MROH1: variants seen among roughly 807,000 people sequenced by gnomAD.
MROH1 encodes maestro heat like repeat family member 1, also known as maestro heat-like repeat-containing protein family member 1.
MROH1 carries 117 observed loss-of-function variants against 116.5 expected under a neutral mutation model. The ratio of observed to expected loss-of-function variants is 1.00; its 90% CI spans 0.86 to 1.17. The LOEUF is 1.17. Among genes scored for constraint, MROH1 ranks in the 50% most tolerant of loss-of-function variants. MROH1 has a pLI of 0.00. For missense variants in MROH1, 1,873 were observed against 1,338.5 expected, an observed-to-expected ratio of 1.40 and a Z score of -6.23; for synonymous variants, 921 against 583.9, an observed-to-expected ratio of 1.58 and a Z score of -8.32.
At position 144,182,662 on chromosome 8, in the gene MROH1, T is replaced by C. The variant is rs1210983316; in HGVS notation, c.562+2139T>C. Among the ~76,000 whole-genome samples the C allele has an allele frequency of 6.6e-6, 1 of 151,120 alleles. No homozygotes were observed. The highest frequency in any genetic ancestry group is 1.5e-5 in the Non-Finnish European group (1 of 67,806). Reference sequence around the variant, plus strand: ...AGAAAATAGAGGAAAAAGGCAAAAATATGGAAAGTAGGAGAGAAAGAGAAG... The same window carrying C: ...AGAAAATAGAGGAAAAAGGCAAAAACATGGAAAGTAGGAGAGAAAGAGAAG... On this transcript the variant is annotated intron_variant, in intron 7 of 43. Transcript: ENST00000326134. This position sits in a 1 kb window ranked among gnomAD's most constrained non-coding sequence, Gnocchi z 4.1.
rs899154509 is a variant in MROH1 at position 144,244,057 on chromosome 8, C to T, written c.2555+115C>T. The T allele has an allele frequency of 1.8e-3, 1,284 of 711,986 alleles. 22 individuals carry two copies. In the South Asian group the frequency reaches 0.018, roughly 10 times the overall value. 44.1% of individuals were successfully genotyped at this position (711,986 alleles called of 1,614,324 possible). On this transcript the variant is annotated intron_variant, in intron 26 of 43. Transcript: ENST00000326134. ...ATGTGCGTGTGTGTGCCTGTGCTTGCGTGTGTGCACGCCTTGTGTGTGCGC... is the reference window on the plus strand; with the variant it reads ...ATGTGCGTGTGTGTGCCTGTGCTTGTGTGTGTGCACGCCTTGTGTGTGCGC...
At chr8:144,248,527 C>A (rs1842290759) in intron 31 of MROH1, among the ~76,000 whole-genome samples, 1 of 152,192 alleles carries the variant, frequency 6.6e-6, no homozygotes, top group African/African-American at 2.4e-5. Context: ...GCCCTTGACC[C>A]CGTGTTCTAG....
chr8:144,233,453 C>T (rs1839357398), intron 14 of MROH1, among the ~76,000 whole-genome samples: 2 of 145,274 alleles, frequency 1.4e-5, no homozygotes, highest in African/African-American at 2.6e-5. Flanking sequence ...GCAGCTCCTG[C>T]ACCCCACCAT....
At chr8:144,255,337 CCT>C (rs1266520360) in intron 34 of MROH1, among the ~76,000 whole-genome samples, 170 bp from the exon 35 acceptor site, 16 of 152,240 alleles carry the variant, frequency 1.1e-4, no homozygotes, top group African/African-American at 3.1e-4. Flanking sequence ...TGCCTCTACC[CCT>C]GAGGGCCAAG....
At chr8:144,175,176 C>T in intron 4 of MROH1, 1 of 984,112 alleles carries the variant, frequency 1.0e-6, no homozygotes, top group Non-Finnish European at 1.2e-6. Flanking sequence ...GCTTCTCCTC[C>T]CAGCAGCGGA....
In MROH1 at chr8:144,260,288, G is replaced by T; in HGVS notation, c.4294G>T (p.Ala1432Ser). ...GGCCCTGGAGGCCATGCTGGGCCTT[G>T]CGAGGCTGGTGCACCTGGTGGAGTC... Reference protein sequence around the residue: ...PVALEAMLGLARLVHLVESWD... With the variant: ...PVALEAMLGLSRLVHLVESWD... The change falls in exon 39 of 44, where the codon GCG becomes TCG. Residue 1432 changes from alanine to serine, a missense_variant. Transcript: ENST00000326134. 1 of 761,046 alleles carries T rather than the reference G, an allele frequency of 1.3e-6. No homozygotes were observed. The highest frequency in any genetic ancestry group is 2.4e-6 in the Non-Finnish European group (1 of 414,592). 47.1% of individuals were successfully genotyped at this position (761,046 alleles called of 1,614,324 possible). A position where few individuals can be genotyped will look rare whatever the true frequency, so the allele number is the denominator to read the frequency against.
At chr8:144,231,916 G>A (rs1554823015) in intron 14 of MROH1, among the ~76,000 whole-genome samples, 3 of 152,170 alleles carry the variant, frequency 2.0e-5, no homozygotes, top group South Asian at 2.1e-4. Flanking sequence ...CATGATAGAT[G>A]TACATATACT....
At chr8:144,235,545 G>T (rs1839908592) in intron 14 of MROH1, among the ~76,000 whole-genome samples, 1 of 152,162 alleles carries the variant, frequency 6.6e-6, no homozygotes, top group Non-Finnish European at 1.5e-5. Context: ...GAACGGTTTT[G>T]TTATGAAGAA....
At chr8:144,206,737 T>C (rs1832902432) in intron 12 of MROH1, among the ~76,000 whole-genome samples, 2 of 150,682 alleles carry the variant, frequency 1.3e-5, no homozygotes, top group African/African-American at 4.9e-5. Flanking sequence ...TTTCTCATTT[T>C]AAATTGTCCT....
chr8:144,210,329 T>G lies in MROH1; in HGVS notation c.1141+9788T>G, dbSNP rs1190791482. Among the ~76,000 whole-genome samples, 3 of 151,780 alleles carry G rather than the reference T, an allele frequency of 2.0e-5. No homozygotes were observed. In the South Asian group the frequency reaches 6.2e-4, roughly 32 times the overall value. On this transcript the variant is annotated intron_variant, in intron 12 of 43. Transcript: ENST00000326134. ...GGCAGGTGCCTGTAATCCCAGCTAC[T>G]TGGGAGGCTGAGGCAGGAGAATTGC...
chr8:144,243,765 C>T (rs964007284), intron 25 of MROH1, 98 bp from the exon 26 acceptor site: 9 of 738,564 alleles, frequency 1.2e-5, no homozygotes, highest in Admixed American at 3.9e-5. Context: ...CTCTGCTCCT[C>T]GGGCCCCGCC....
intron 1 of MROH1, chr8:144,148,939 G>C (rs952108168): frequency 6.6e-6 from 1 of 152,616 alleles, no homozygotes; most frequent in African/African-American, 2.4e-5. Flanking sequence ...AGCAGAGTTG[G>C]GTCGGGGACA....
Position 144,258,885 on chromosome 8 carries a change from G to T in MROH1, c.3900G>T (p.Gly1300=). Residue 1300 remains glycine (G), a synonymous_variant, in exon 36 of 44, where the codon GGG becomes GGT. Coordinates refer to ENST00000326134, the MANE Select transcript of MROH1 (RefSeq NM_032450.3). ...GGWELLRTSA[G]HEEGATRLAR... ...GGGAACTGCTCAGGACCTCGGCGGGGCATGAGGAGGGGGCCACCAGGTTGG... is the reference window on the plus strand; with the variant it reads ...GGGAACTGCTCAGGACCTCGGCGGGTCATGAGGAGGGGGCCACCAGGTTGG... 1 of 762,328 alleles carries T rather than the reference G, an allele frequency of 1.3e-6. No homozygotes were observed. Among genetic ancestry groups the T allele is most frequent in the Non-Finnish European group, 2.4e-6 (1 of 410,770 alleles). 47.2% of individuals were successfully genotyped at this position (762,328 alleles called of 1,614,324 possible). A position where few individuals can be genotyped will look rare whatever the true frequency, so the allele number is the denominator to read the frequency against.
chr8:144,250,712 C>G (rs1842713894), intron 33 of MROH1: 2 of 418,102 alleles, frequency 4.8e-6, no homozygotes, highest in Admixed American at 7.1e-5. Flanking sequence ...TGCCCCTCAC[C>G]CTGTGTCTTG....
chr8:144,195,188 G>A (rs1233182974), intron 10 of MROH1, among the ~76,000 whole-genome samples: 3 of 5,252 alleles, frequency 5.7e-4, no homozygotes, highest in Non-Finnish European at 7.7e-4. Flanking sequence ...GTGCGAGACT[G>A]TGTCTTTAAA....
intron 20 of MROH1, 123 bp downstream of exon 20, chr8:144,240,800 T>C: frequency 1.5e-6 from 1 of 682,800 alleles, no homozygotes. Flanking sequence ...AGCCTCCTTG[T>C]GGTGGCTGAG....
chr8:144,192,387 G>A lies in MROH1; in HGVS notation c.934G>A (p.Ala312Thr). 1.3e-6 allele frequency: 2 copies of A among 1,591,868 alleles called. No homozygotes were observed. Among genetic ancestry groups the A allele is most frequent in the Non-Finnish European group, 1.7e-6 (2 of 1,173,110 alleles). Residue 312 changes from alanine to threonine, a missense_variant, in exon 10 of 44, where the codon GCA becomes ACA. Transcript: ENST00000326134. ...GACCCAGCTGGATGCCCTCTTGGCT[G>A]CACTGCACTCCCAGGTAGGAGGCGG... Reference protein sequence around the residue: ...LETQLDALLAALHSQICVPVE... With the variant: ...LETQLDALLATLHSQICVPVE...
At position 144,261,329 on chromosome 8, in the gene MROH1, A is replaced by T; in HGVS notation, c.4820A>T (p.Asp1607Val). The T allele has an allele frequency of 2.8e-6, 2 of 713,016 alleles. No individual in the cohort carries two copies. The highest frequency in any genetic ancestry group is 5.1e-6 in the Non-Finnish European group (2 of 392,640). The allele number at this position is 713,016 out of a possible 1,614,324, so 44.2% of individuals were successfully genotyped here. ...GAGCCCAGGCAGCAGCCGCAGGTGGACCTGGACCAGCTCATTGCGGGTGAG... is the reference window on the plus strand; with the variant it reads ...GAGCCCAGGCAGCAGCCGCAGGTGGTCCTGGACCAGCTCATTGCGGGTGAG... ...HSEPRQQPQV[D>V]LDQLIAALQI... Residue 1607 changes from aspartate (D) to valine (V), a missense_variant, in exon 43 of 44, where the codon GAC becomes GTC. Transcript: ENST00000326134.
At position 144,261,226 on chromosome 8, in the gene MROH1, A is replaced by AC; in HGVS notation, c.4774+15dup. The AC allele has an allele frequency of 1.3e-6, 1 of 762,754 alleles. No individual in the cohort carries two copies. Among genetic ancestry groups the AC allele is most frequent in the Non-Finnish European group, 2.4e-6 (1 of 417,440 alleles). 47.2% of individuals were successfully genotyped at this position (762,754 alleles called of 1,614,324 possible). Reference sequence around the variant, plus strand: ...GCACCCCTGTTCACCGGTAAGCACCACCCCCTGCCCCACCCCCACGCCGCC... The same window carrying AC: ...GCACCCCTGTTCACCGGTAAGCACCACCCCCCTGCCCCACCCCCACGCCGCC... On this transcript the variant is annotated intron_variant, in intron 42 of 43. Coordinates refer to ENST00000326134, the MANE Select transcript of MROH1 (RefSeq NM_032450.3).
Sources: allele counts gnomAD v4.1 joint callset (sites outside exome capture counted in the v4.1 genomes callset), GRCh38; gene constraint gnomAD v4.1.1; non-coding constraint Gnocchi (gnomAD v3.1); transcripts MANE v1.5; gene names NCBI Gene and HGNC (gene_info 2026-07-23, HGNC 2026-07-21).